The following DNM1 variants were observed in gnomAD, a reference collection of about 807,000 sequenced individuals.
DNM1 encodes dynamin 1, also known as dynamin-1.
DNM1 carries 29 observed loss-of-function variants against 104.6 expected under a neutral mutation model. The ratio of observed to expected loss-of-function variants is 0.28; its 90% CI spans 0.21 to 0.38. DNM1 has a LOEUF of 0.38. Among genes scored for constraint, DNM1 ranks in the 10% least tolerant of loss-of-function variants. The probability of loss-of-function intolerance (pLI) is 1.00; values close to 1 mark genes in which losing one functional copy is unlikely to be tolerated. For synonymous variants in DNM1, 445 were observed against 475.8 expected, an observed-to-expected ratio of 0.94 and a Z score of 0.84; for missense variants, 640 against 1,189.4, an observed-to-expected ratio of 0.54 and a Z score of 6.79.
Position 128,248,250 on chromosome 9 carries a change from C to T in DNM1, c.1905+315C>T. 1 of 502,370 alleles carries T rather than the reference C, an allele frequency of 2.0e-6. No individual in the cohort carries two copies. The highest frequency in any genetic ancestry group is 3.6e-6 in the Non-Finnish European group (1 of 278,526). The allele number at this position is 502,370 out of a possible 1,614,324, so 31.1% of individuals were successfully genotyped here. ...GCTGAGGCAGGAGAATCGCTTGAAC[C>T]CAGGAGGAGGTTGCAATGAGCCAAT... On this transcript the variant is annotated intron_variant, in intron 18 of 21. Transcript: ENST00000372923. The surrounding 1 kb of genome is among the most constrained non-coding windows in gnomAD (Gnocchi z 5.6).
intron 1 of DNM1, among the ~76,000 whole-genome samples, chr9:128,213,141 G>T (rs1202849198): frequency 6.6e-6 from 1 of 152,140 alleles, no homozygotes; most frequent in Non-Finnish European, 1.5e-5. Flanking sequence ...GAGTACAGCG[G>T]CAGGATCTCA....
chr9:128,207,197 A>T (rs1449020136), intron 1 of DNM1, among the ~76,000 whole-genome samples: 1 of 152,068 alleles, frequency 6.6e-6, no homozygotes, highest in African/African-American at 2.4e-5. Flanking sequence ...GGTTCTGAAC[A>T]TATTGAGCCT....
chr9:128,248,770 A>C lies in DNM1; in HGVS notation c.2076+17A>C. 6.2e-7 allele frequency: 1 copy of C among 1,606,610 alleles called. No individual in the cohort carries two copies. The highest frequency in any genetic ancestry group is 8.5e-7 in the Non-Finnish European group (1 of 1,173,838). ...ATTAACAATGTGCGTGCTCCACTGCATGGGGGCAGGGAAATCCTGTGGCAC... is the reference window on the plus strand; with the variant it reads ...ATTAACAATGTGCGTGCTCCACTGCCTGGGGGCAGGGAAATCCTGTGGCAC... On this transcript the variant is annotated intron_variant, in intron 19 of 21. Coordinates refer to ENST00000372923, the MANE Select transcript of DNM1 (RefSeq NM_004408.4). The surrounding 1 kb of genome is among the most constrained non-coding windows in gnomAD (Gnocchi z 5.6).
In DNM1 at chr9:128,218,160, G is replaced by A. The variant is rs187644015; in HGVS notation, c.162-71G>A. 783 of 1,466,000 alleles carry A rather than the reference G, an allele frequency of 5.3e-4. 2 individuals are homozygous for A. The highest frequency in any genetic ancestry group is 3.1e-3 in the African/African-American group (223 of 71,862). 90.8% of individuals were successfully genotyped at this position (1,466,000 alleles called of 1,614,324 possible). A position where few individuals can be genotyped will look rare whatever the true frequency, so the allele number is the denominator to read the frequency against. On this transcript the variant is annotated intron_variant, in intron 1 of 21. Transcript: ENST00000372923. The surrounding 1 kb of genome is among the most constrained non-coding windows in gnomAD (Gnocchi z 4.8). ...AGGAGCTTTGGCTTTCCCAGGGGCC[G>A]GACAGGTACCCCTGGGACAGAGGGC...
intron 19 of DNM1, 102 bp from the exon 20 acceptor site, chr9:128,250,002 GGAGCCGCGTCT>G (rs1829415669): frequency 1.3e-6 from 2 of 1,493,472 alleles, no homozygotes; most frequent in Admixed American, 3.4e-5. Context: ...ACGCAGTGTA[GGAGCCGCGTCT>G]GAAAAGCCAC....
chr9:128,220,022 C>T lies in DNM1; in HGVS notation c.624C>T (p.Asp208=), dbSNP rs1395270062. Residue 208 remains aspartate, a synonymous_variant, in exon 5 of 22, where the codon GAC becomes GAT. Transcript: ENST00000372923. The surrounding 1 kb of genome is among the most constrained non-coding windows in gnomAD (Gnocchi z 5.2). ...CCATCGGGGTCATCACCAAGCTGGA[C>T]CTGATGGACGAGGGCACAGATGCCC... ...QRTIGVITKL[D]LMDEGTDARD... 4 of 1,600,876 alleles carry T rather than the reference C, an allele frequency of 2.5e-6. No homozygotes were observed. In the Admixed American group the frequency reaches 6.9e-5, roughly 28 times the overall value.
At position 128,218,750 on chromosome 9, in the gene DNM1, C is replaced by T. The variant is rs753645079; in HGVS notation, c.385+19C>T. On this transcript the variant is annotated intron_variant, in intron 3 of 21. Coordinates refer to ENST00000372923, the MANE Select transcript of DNM1 (RefSeq NM_004408.4). The surrounding 1 kb of genome is among the most constrained non-coding windows in gnomAD (Gnocchi z 4.8). ...CCGCACGGTGAGGACCCTGGCCCCGCCCTAACCTCTAAGAATCATTTTCTT... is the reference window on the plus strand; with the variant it reads ...CCGCACGGTGAGGACCCTGGCCCCGTCCTAACCTCTAAGAATCATTTTCTT... The T allele has an allele frequency of 6.3e-7, 1 of 1,578,522 alleles. No homozygotes were observed. The highest frequency in any genetic ancestry group is 1.1e-5 in the South Asian group (1 of 88,420).
Position 128,247,809 on chromosome 9 carries a change from T to A in DNM1, c.1894-115T>A. ...GGCGATGTCTAGAGTAGCCTGAGAG[T>A]TGGGGTGCAGTATCCCAGGTTCACT... On this transcript the variant is annotated intron_variant, in intron 17 of 21. Coordinates refer to ENST00000372923, the MANE Select transcript of DNM1 (RefSeq NM_004408.4). This position sits in a 1 kb window ranked among gnomAD's most constrained non-coding sequence, Gnocchi z 5.1. 1 of 1,362,416 alleles carries A rather than the reference T, an allele frequency of 7.3e-7. No homozygotes were observed. The highest frequency in any genetic ancestry group is 1.4e-5 in the African/African-American group (1 of 69,008). The allele number at this position is 1,362,416 out of a possible 1,614,324, so 84.4% of individuals were successfully genotyped here.
intron 1 of DNM1, among the ~76,000 whole-genome samples, chr9:128,210,652 C>T (rs1180965824): frequency 6.6e-6 from 1 of 152,112 alleles, no homozygotes; most frequent in African/African-American, 2.4e-5. Context: ...TGTGAGCCAC[C>T]AGGTTTTTAG....
Position 128,247,796 on chromosome 9 carries a change from A to T in DNM1, c.1894-128A>T. On this transcript the variant is annotated intron_variant, in intron 17 of 21. Transcript: ENST00000372923. This position sits in a 1 kb window ranked among gnomAD's most constrained non-coding sequence, Gnocchi z 5.1. ...CCTATTTCACTGTGGCGATGTCTAG[A>T]GTAGCCTGAGAGTTGGGGTGCAGTA... The T allele has an allele frequency of 1.6e-6, 2 of 1,241,944 alleles. No individual in the cohort carries two copies. The highest frequency in any genetic ancestry group is 4.3e-5 in the Admixed American group (2 of 46,910). 76.9% of individuals were successfully genotyped at this position (1,241,944 alleles called of 1,614,324 possible).
Position 128,239,746 on chromosome 9 carries a change from C to G in DNM1, c.1512C>G (p.Asn504Lys), listed in dbSNP as rs760473584. 1 of 1,613,746 alleles carries G rather than the reference C, an allele frequency of 6.2e-7. No individual in the cohort carries two copies. Among genetic ancestry groups the G allele is most frequent in the Non-Finnish European group, 8.5e-7 (1 of 1,179,888 alleles). Residue 504 changes from asparagine to lysine, a missense_variant, in exon 13 of 22, where the codon AAC (asparagine) becomes AAG (lysine). By Grantham distance (94) the Asn-to-Lys change is moderately conservative (BLOSUM62 0). Transcript: ENST00000372923. ...CCATTAGTGCTCAGCAGAGGAGCAA[C>G]CAGATGAACAAGAAGAAGACTTCAG... The part of the protein sequence containing the change: ...IGFANAQQRS[N>K]QMNKKKTSGN...
rs966171067 is a variant in DNM1 at position 128,254,569 on chromosome 9, C to G, written c.2535-85C>G. 110 of 1,587,262 alleles carry G rather than the reference C, an allele frequency of 6.9e-5. No individual in the cohort carries two copies. The highest frequency in any genetic ancestry group is 2.0e-4 in the South Asian group (18 of 90,702). Reference sequence around the variant, plus strand: ...CCCACCACTGCTGCGGCGCGGCCGGCCCCGGCCGTGTGCTGCGCTTGCCTT... The same window carrying G: ...CCCACCACTGCTGCGGCGCGGCCGGGCCCGGCCGTGTGCTGCGCTTGCCTT... On this transcript the variant is annotated intron_variant, in intron 21 of 21. Transcript: ENST00000372923. This position sits in a 1 kb window ranked among gnomAD's most constrained non-coding sequence, Gnocchi z 6.1.
chr9:128,248,064 C>T lies in DNM1; in HGVS notation c.1905+129C>T. ...TGGATTGGGGCCAGGCGCAGTGGCTCACACCTGTAAACCCAACACTTTGGG... is the reference window on the plus strand; with the variant it reads ...TGGATTGGGGCCAGGCGCAGTGGCTTACACCTGTAAACCCAACACTTTGGG... On this transcript the variant is annotated intron_variant, in intron 18 of 21. Transcript: ENST00000372923. The surrounding 1 kb of genome is among the most constrained non-coding windows in gnomAD (Gnocchi z 5.6). The T allele has an allele frequency of 7.7e-7, 1 of 1,295,772 alleles. No homozygotes were observed. The highest frequency in any genetic ancestry group is 1.2e-5 in the South Asian group (1 of 84,504). 80.3% of individuals were successfully genotyped at this position (1,295,772 alleles called of 1,614,324 possible).
At chr9:128,235,647 T>A (rs1436291240) in intron 11 of DNM1, among the ~76,000 whole-genome samples, 1 of 152,158 alleles carries the variant, frequency 6.6e-6, no homozygotes, top group Non-Finnish European at 1.5e-5. Context: ...CCTATCTGAG[T>A]CCCCACTTTC....
rs34036148 is a variant in DNM1, at chr9:128,239,567, C to CGTGTGTGT, written c.1493+95_1493+102dup. 1,379 of 882,326 alleles carry CGTGTGTGT rather than the reference C, an allele frequency of 1.6e-3. 14 individuals carry two copies. Among genetic ancestry groups the CGTGTGTGT allele is most frequent in the African/African-American group, 0.014 (743 of 52,058 alleles). The allele number at this position is 882,326 out of a possible 1,614,324, so 54.7% of individuals were successfully genotyped here. ...AGTGCTCCCTGGGCAGAGAAGGTAA[C>CGTGTGTGT]GTGTGTGTGTGTGTGTGTGTGTGTG... is the stretch of plus-strand genomic sequence containing the variant. On this transcript the variant is annotated intron_variant, in intron 12 of 21. Coordinates refer to ENST00000372923, the MANE Select transcript of DNM1 (RefSeq NM_004408.4).
intron 1 of DNM1, among the ~76,000 whole-genome samples, chr9:128,205,542 G>A (rs1245316084): frequency 2.6e-5 from 4 of 152,134 alleles, no homozygotes; most frequent in South Asian, 2.1e-4. Flanking sequence ...TCCTAATCTC[G>A]ACGCTGCACA....
chr9:128,249,367 C>T (rs1162886088), intron 19 of DNM1, among the ~76,000 whole-genome samples: 1 of 150,992 alleles, frequency 6.6e-6, no homozygotes, highest in Non-Finnish European at 1.5e-5. Flanking sequence ...TAAAGAATAG[C>T]GGGGGTTGGC....
chr9:128,225,571 T>C (rs566812262), intron 10 of DNM1, among the ~76,000 whole-genome samples: 3 of 152,290 alleles, frequency 2.0e-5, no homozygotes, highest in South Asian at 2.1e-4. Flanking sequence ...AAACGTAGAA[T>C]TGAACAGGAT....
rs1362925263 is a variant in DNM1, at chr9:128,254,899, T to C, written c.*185T>C. On this transcript the variant is annotated 3_prime_UTR_variant, in exon 22 of 22. Transcript: ENST00000372923. This position sits in a 1 kb window ranked among gnomAD's most constrained non-coding sequence, Gnocchi z 6.1. ...GAAAACTTGTGCCCCTTCTGTGGTA[T>C]GCCCTTGCCCTGTTCTATAAATATC... The C allele has an allele frequency of 1.7e-6, 1 of 589,314 alleles. No homozygotes were observed. Among genetic ancestry groups the C allele is most frequent in the African/African-American group, 1.9e-5 (1 of 53,308 alleles). The allele number at this position is 589,314 out of a possible 1,614,324, so 36.5% of individuals were successfully genotyped here.
Sources: gnomAD v4.1 joint callset for allele counts (sites outside exome capture counted in the v4.1 genomes callset) on GRCh38, gnomAD v4.1.1 for gene constraint, Gnocchi (gnomAD v3.1) non-coding constraint, MANE v1.5 for transcripts, NCBI Gene and HGNC (gene_info 2026-07-23, HGNC 2026-07-21) for gene names.